Variants in ADGRG7 observed in about 807,000 individuals in gnomAD.
ADGRG7 encodes G-protein coupled receptor 128.
In ADGRG7, 82 loss-of-function variants were observed where a neutral mutation model predicts 88.6. That is an observed-to-expected ratio of 0.93 (90% CI 0.77 to 1.11). The LOEUF is 1.11. ADGRG7 is among the 50% of genes most tolerant of loss of function. The pLI is 0.00. For synonymous variants in ADGRG7, 381 were observed against 345.2 expected (o/e 1.10, Z -1.15); for missense variants, 945 against 953.4 (o/e 0.99, Z 0.12).
At chr3:100,643,885 A>G (rs1369946713) in intron 8 of ADGRG7, among the ~76,000 whole-genome samples, 3 of 152,222 alleles carry the variant, frequency 2.0e-5, no homozygotes, top group African/African-American at 7.2e-5. Context: ...CAGGCCATGT[A>G]CACAAATATG....
chr3:100,682,734 G>A (rs958538779), intron 15 of ADGRG7, among the ~76,000 whole-genome samples: 1 of 152,196 alleles, frequency 6.6e-6, no homozygotes, highest in Non-Finnish European at 1.5e-5. Flanking sequence ...CCCACTCCAG[G>A]CTGTGAGGAG....
At chr3:100,632,326 C>T (rs1227026319) in intron 3 of ADGRG7, among the ~76,000 whole-genome samples, 2 of 152,118 alleles carry the variant, frequency 1.3e-5, no homozygotes, top group East Asian at 1.9e-4. Context: ...TCAGATTGAG[C>T]CTATAATTTT....
intron 15 of ADGRG7, among the ~76,000 whole-genome samples, chr3:100,684,552 G>C (rs1284095864): frequency 1.3e-5 from 2 of 152,162 alleles, no homozygotes; most frequent in South Asian, 4.1e-4. Flanking sequence ...ATAGGCCTGA[G>C]CCACTGTGCC....
At chr3:100,676,702 A>AAATC (rs932295827) in intron 15 of ADGRG7, among the ~76,000 whole-genome samples, 5 of 151,992 alleles carry the variant, frequency 3.3e-5, no homozygotes, top group Non-Finnish European at 5.9e-5. Context: ...TAGGGTGTTG[A>AAATC]AATCTCTAGC....
In ADGRG7 at chr3:100,669,035, T is replaced by G; in HGVS notation, c.2066T>G (p.Leu689Arg). 6.2e-7 allele frequency: 1 copy of G among 1,602,052 alleles called. No individual in the cohort carries two copies. The highest frequency in any genetic ancestry group is 8.5e-7 in the Non-Finnish European group (1 of 1,172,566). The stretch of plus-strand genomic sequence containing the variant: ...GGAATTACCTGGATTCTAGCATACC[T>G]GATGCTAGTTAATGATGATAGCATC... The part of the protein sequence containing the change: ...VFGITWILAY[L>R]MLVNDDSIRI... Residue 689 changes from leucine to arginine, a missense_variant, in exon 15 of 16, where the codon CTG (leucine) becomes CGG (arginine). Transcript: ENST00000273352.
intron 15 of ADGRG7, among the ~76,000 whole-genome samples, chr3:100,674,505 T>A (rs1003507944): frequency 6.6e-6 from 1 of 152,174 alleles, no homozygotes; most frequent in Non-Finnish European, 1.5e-5. Context: ...GATCTTTCAC[T>A]TTTTTGGTTA....
At chr3:100,681,310 T>C (rs1039440606) in intron 15 of ADGRG7, among the ~76,000 whole-genome samples, 14 of 150,296 alleles carry the variant, frequency 9.3e-5, no homozygotes, top group East Asian at 4.7e-4. Flanking sequence ...CTTTTCTTTT[T>C]TTTTTTTTTC....
chr3:100,656,539 A>C (rs938078685), intron 13 of ADGRG7, among the ~76,000 whole-genome samples: 6 of 152,344 alleles, frequency 3.9e-5, no homozygotes, highest in East Asian at 1.9e-4. Context: ...GTTGTAACAG[A>C]AGCATCTGAC....
chr3:100,641,588 A>C (rs1222214367), intron 6 of ADGRG7, among the ~76,000 whole-genome samples: 1 of 152,102 alleles, frequency 6.6e-6, no homozygotes, highest in African/African-American at 2.4e-5. Context: ...TAATCTAATA[A>C]GCAGAAGTTG....
At chr3:100,640,694 G>T (rs577789720) in intron 6 of ADGRG7, among the ~76,000 whole-genome samples, 2 of 152,152 alleles carry the variant, frequency 1.3e-5, no homozygotes, top group East Asian at 3.9e-4. Context: ...GCTAATTTTT[G>T]TATTTTTGGT....
chr3:100,630,321 A>G (rs1707443049), intron 2 of ADGRG7, among the ~76,000 whole-genome samples: 1 of 152,128 alleles, frequency 6.6e-6, no homozygotes, highest in Non-Finnish European at 1.5e-5. Flanking sequence ...TACTCCTACC[A>G]GTCAATATAT....
intron 1 of ADGRG7, among the ~76,000 whole-genome samples, chr3:100,612,993 G>T (rs529133637): frequency 1.3e-5 from 2 of 152,130 alleles, no homozygotes; most frequent in Non-Finnish European, 2.9e-5. Flanking sequence ...GAGTTCAAGC[G>T]ATTCTCCTGC....
chr3:100,629,672 A>G lies in ADGRG7; in HGVS notation c.190A>G (p.Ile64Val), dbSNP rs150967072. ...NGGTWENGRC[I>V]CTEEWKGLRC... ...TGGAACCTGGGAAAATGGCAGATGT[A>G]TTTGTACAGAAGAGTGGAAAGGACT... The change falls in exon 2 of 16, where the codon ATT becomes GTT. Residue 64 changes from isoleucine to valine, a missense_variant. Physicochemically the swap from Ile to Val is conservative, Grantham distance 29 (BLOSUM62 3). Transcript: ENST00000273352. The G allele has an allele frequency of 2.7e-5, 44 of 1,613,234 alleles. No individual in the cohort carries two copies. Among genetic ancestry groups the G allele is most frequent in the African/African-American group, 2.1e-4 (16 of 75,006 alleles).
intron 15 of ADGRG7, among the ~76,000 whole-genome samples, chr3:100,684,278 T>TATTTATTTATTTATTTATTTATTG: frequency 6.6e-6 from 1 of 151,914 alleles, no homozygotes; most frequent in Admixed American, 6.6e-5. Context: ...TTTATTTATT[T>TATTTATTTATTTATTTATTTATTG]ATTGAGACAG....
At chr3:100,672,034 T>C (rs1576334565) in intron 15 of ADGRG7, among the ~76,000 whole-genome samples, 2 of 152,336 alleles carry the variant, frequency 1.3e-5, no homozygotes, top group African/African-American at 4.8e-5. Flanking sequence ...GTCTTGGCTA[T>C]GTGGGCTCTT....
At chr3:100,611,536 C>T (rs1707155405) in intron 1 of ADGRG7, among the ~76,000 whole-genome samples, 1 of 152,100 alleles carries the variant, frequency 6.6e-6, no homozygotes, top group South Asian at 2.1e-4. Context: ...AAAATAAATA[C>T]AAAATATATT....
chr3:100,679,522 G>T (rs2094970096), intron 15 of ADGRG7, among the ~76,000 whole-genome samples: 1 of 152,120 alleles, frequency 6.6e-6, no homozygotes, highest in Admixed American at 6.5e-5. Context: ...TTCCCATGGG[G>T]GAATGATTGC....
intron 6 of ADGRG7, among the ~76,000 whole-genome samples, chr3:100,640,849 A>T (rs1366873620): frequency 1.3e-5 from 2 of 152,132 alleles, no homozygotes; most frequent in Non-Finnish European, 2.9e-5. Flanking sequence ...CATTGCTTGC[A>T]TAGTCTGATC....
intron 1 of ADGRG7, among the ~76,000 whole-genome samples, chr3:100,622,719 C>T (rs1047376580): frequency 9.9e-5 from 15 of 151,820 alleles, no homozygotes; most frequent in East Asian, 3.9e-4. Context: ...ATATATGTAC[C>T]GCAAATATTT....
Sources: gnomAD v4.1 joint callset for allele counts (sites outside exome capture counted in the v4.1 genomes callset) on GRCh38, gnomAD v4.1.1 for gene constraint, MANE v1.5 for transcripts, NCBI Gene and HGNC (gene_info 2026-07-23, HGNC 2026-07-21) for gene names.